The following CRTAC1 variants were observed in gnomAD, a reference collection of about 807,000 sequenced individuals.
The protein encoded by CRTAC1 is cartilage acidic protein 1, also known as acidic secreted protein in cartilage.
CRTAC1 carries 37 observed loss-of-function variants against 67.8 expected under a neutral mutation model. That is an observed-to-expected ratio of 0.55 (90% confidence interval 0.42 to 0.72). CRTAC1 has a LOEUF of 0.72. Among genes scored for constraint, CRTAC1 ranks in the 30% least tolerant of loss-of-function variants. CRTAC1 has a pLI of 0.00. For missense variants in CRTAC1, 780 were observed against 931.6 expected, an observed-to-expected ratio of 0.84 and a Z score of 2.12; for synonymous variants, 348 against 371.0, an observed-to-expected ratio of 0.94 and a Z score of 0.71.
chr10:97,964,016 A>C (rs1387225141), intron 2 of CRTAC1, among the ~76,000 whole-genome samples: 1 of 152,114 alleles, frequency 6.6e-6, no homozygotes, highest in East Asian at 1.9e-4. Flanking sequence ...CGCCCCACCT[A>C]CCACGCTGTC....
intron 11 of CRTAC1, among the ~76,000 whole-genome samples, chr10:97,888,698 G>C (rs1435211765): frequency 6.6e-6 from 1 of 152,080 alleles, no homozygotes; most frequent in Non-Finnish European, 1.5e-5. Context: ...GGGGCTGCAC[G>C]GGCTGAGGGG....
intron 2 of CRTAC1, among the ~76,000 whole-genome samples, chr10:97,973,344 A>G (rs2051745537): frequency 6.6e-6 from 1 of 151,914 alleles, no homozygotes; most frequent in Non-Finnish European, 1.5e-5. Context: ...CCTCCATGCC[A>G]TCATCTCTGT....
intron 6 of CRTAC1, 112 bp downstream of exon 6, chr10:97,907,901 T>C (rs2050635303): frequency 1.7e-6 from 2 of 1,189,602 alleles, no homozygotes; most frequent in Admixed American, 2.4e-5. Flanking sequence ...TGACTTGCCC[T>C]GCTCTCCCTC....
intron 3 of CRTAC1, among the ~76,000 whole-genome samples, chr10:97,932,875 C>T (rs917926566): frequency 7.9e-5 from 12 of 152,210 alleles, no homozygotes; most frequent in Non-Finnish European, 1.6e-4. Flanking sequence ...TCCAAGGTCA[C>T]ACAGTAAATA....
At chr10:97,881,638 G>A (rs1590177650) in intron 13 of CRTAC1, among the ~76,000 whole-genome samples, 1 of 150,254 alleles carries the variant, frequency 6.7e-6, no homozygotes, top group Admixed American at 6.7e-5. Context: ...GATCTCAAAG[G>A]GTCCTTCCTG....
chr10:97,930,159 G>C (rs2050982836), intron 3 of CRTAC1, among the ~76,000 whole-genome samples: 1 of 152,204 alleles, frequency 6.6e-6, no homozygotes, highest in South Asian at 2.1e-4. Context: ...TAGGTCATTT[G>C]CCTAAGGTTG....
chr10:97,889,513 C>T (rs1399752037), intron 11 of CRTAC1, among the ~76,000 whole-genome samples: 2 of 151,884 alleles, frequency 1.3e-5, no homozygotes, highest in Non-Finnish European at 2.9e-5. Flanking sequence ...AGCAAGATGT[C>T]GCTATGAGAG....
intron 2 of CRTAC1, among the ~76,000 whole-genome samples, chr10:97,936,834 CTG>C (rs553467179): frequency 6.6e-6 from 1 of 152,212 alleles, no homozygotes; most frequent in Non-Finnish European, 1.5e-5. Context: ...ATCAGGGAAA[CTG>C]AGGCTCAGAG....
chr10:97,912,245 C>G (rs545306509), intron 5 of CRTAC1, among the ~76,000 whole-genome samples: 5 of 152,176 alleles, frequency 3.3e-5, no homozygotes, highest in African/African-American at 9.7e-5. Flanking sequence ...AATAATATCC[C>G]TTTATTTTTT....
At chr10:97,936,929 G>A (rs978962552) in intron 2 of CRTAC1, among the ~76,000 whole-genome samples, 1 of 152,092 alleles carries the variant, frequency 6.6e-6, no homozygotes, top group African/African-American at 2.4e-5. Context: ...CTACTATCCC[G>A]AGTCCTGAGT....
intron 1 of CRTAC1, among the ~76,000 whole-genome samples, chr10:98,023,554 AAGCCTCTTTGGATATACAC>A (rs1843164378): frequency 6.6e-6 from 1 of 152,164 alleles, no homozygotes; most frequent in South Asian, 2.1e-4. Flanking sequence ...CACCTGAAAA[AAGCCTCTTTGGATATACAC>A]AGCTTCTCAG....
intron 1 of CRTAC1, among the ~76,000 whole-genome samples, chr10:98,021,235 C>T (rs1193373510): frequency 1.3e-5 from 2 of 152,244 alleles, no homozygotes; most frequent in East Asian, 3.9e-4. Flanking sequence ...CAACTCCCTA[C>T]CCCCCAGAAG....
At chr10:98,010,185 G>A (rs370222589) in intron 2 of CRTAC1, among the ~76,000 whole-genome samples, 96 of 151,996 alleles carry the variant, frequency 6.3e-4, no homozygotes, top group African/African-American at 2.2e-3. Flanking sequence ...GATTACATGC[G>A]CGCGCCACCA....
Position 98,030,349 on chromosome 10 carries a change from GC to G in CRTAC1, c.24+99del. ...GATCCCAGTCTTCCCGGGTTCCCGGGCGGCGTCCCCGCCACCCTTGCGGGCG... is the reference window on the plus strand; with the variant it reads ...GATCCCAGTCTTCCCGGGTTCCCGGGGGCGTCCCCGCCACCCTTGCGGGCG... On this transcript the variant is annotated intron_variant, in intron 1 of 14. Transcript: ENST00000370597. The surrounding 1 kb of genome is among the most constrained non-coding windows in gnomAD (Gnocchi z 4.2). 1 of 740,126 alleles carries G rather than the reference GC, an allele frequency of 1.4e-6. No homozygotes were observed. The highest frequency in any genetic ancestry group is 6.8e-5 in the South Asian group (1 of 14,610). The allele number at this position is 740,126 out of a possible 1,614,324, so 45.8% of individuals were successfully genotyped here.
intron 8 of CRTAC1, 80 bp downstream of exon 8, chr10:97,901,423 G>A: frequency 6.3e-7 from 1 of 1,580,016 alleles, no homozygotes; most frequent in Non-Finnish European, 8.7e-7. Context: ...CTCCCCTTCT[G>A]ATTCTTAAAC....
intron 2 of CRTAC1, among the ~76,000 whole-genome samples, chr10:97,950,594 T>C (rs919981404): frequency 6.6e-6 from 1 of 152,142 alleles, no homozygotes; most frequent in African/African-American, 2.4e-5. Flanking sequence ...GTCACGGGCC[T>C]TGTTGGGGCA....
chr10:97,929,252 C>A (rs528730169), intron 3 of CRTAC1, among the ~76,000 whole-genome samples: 1 of 152,130 alleles, frequency 6.6e-6, no homozygotes, highest in African/African-American at 2.4e-5. Context: ...GAGTCTGGAG[C>A]TAGGGAGAAG....
intron 2 of CRTAC1, among the ~76,000 whole-genome samples, chr10:97,972,825 C>T (rs533344736): frequency 3.9e-5 from 6 of 152,198 alleles, no homozygotes; most frequent in East Asian, 3.9e-4. Flanking sequence ...ATTTGAAATA[C>T]GATGAGAACT....
At chr10:97,865,758 C>T (rs749346344) in intron 14 of CRTAC1, 44 bp from the exon 15 acceptor site, 9 of 1,294,784 alleles carry the variant, frequency 7.0e-6, no homozygotes, top group Middle Eastern at 3.1e-4. Context: ...TGCAGACCTG[C>T]GGCGGCTGCG....
Sources: allele counts gnomAD v4.1 joint callset (sites outside exome capture counted in the v4.1 genomes callset), GRCh38; gene constraint gnomAD v4.1.1; non-coding constraint Gnocchi (gnomAD v3.1); transcripts MANE v1.5; gene names NCBI Gene and HGNC (gene_info 2026-07-23, HGNC 2026-07-21).